Variants in NYAP1 observed in about 807,000 individuals in gnomAD.
NYAP1 encodes neuronal tyrosine phosphorylated phosphoinositide-3-kinase adaptor 1.
Under a neutral mutation model 58.6 loss-of-function variants are expected in NYAP1, and 20 were observed. The observed-to-expected ratio is 0.34, with a 90% CI of 0.24 to 0.50. NYAP1 has a LOEUF of 0.50. NYAP1 is among the 20% of genes least tolerant of loss of function. The pLI, the probability that NYAP1 is intolerant of heterozygous loss-of-function variation, is 0.98. For synonymous variants in NYAP1, 572 were observed against 523.1 expected (o/e 1.09, Z -1.27); for missense variants, 1,150 against 1,194.5 (o/e 0.96, Z 0.55).
rs1011332387 is a variant in NYAP1 at position 100,488,178 on chromosome 7, C to A, written c.457C>A (p.Arg153=). The A allele has an allele frequency of 1.2e-6, 2 of 1,603,186 alleles. No homozygotes were observed. The highest frequency in any genetic ancestry group is 2.7e-5 in the African/African-American group (2 of 74,204). ...CTCACAGAAGCCAACCCCAGAGGGC[C>A]GAGAGTCCAGCCGGAAGGTTCCTCC... ...AGSQKPTPEG[R]ESSRKVPPQK... Residue 153 remains arginine, a synonymous_variant, in exon 4 of 7, where the codon CGA becomes AGA. Transcript: ENST00000300179. This position sits in a 1 kb window ranked among gnomAD's most constrained non-coding sequence, Gnocchi z 5.9.
chr7:100,493,863 G>A lies in NYAP1; in HGVS notation c.2486G>A (p.Cys829Tyr), dbSNP rs13224304. The part of the protein sequence containing the change: ...PEPRKSGTPP[C>Y]RRQHTVLWDT... ...CCCCGCAAGTCCGGCACCCCGCCCTGCCGCCGGCAGCACACGGTCCTCTGG... is the reference window on the plus strand; with the variant it reads ...CCCCGCAAGTCCGGCACCCCGCCCTACCGCCGGCAGCACACGGTCCTCTGG... The change falls in exon 7 of 7, where the codon TGC (cysteine) becomes TAC (tyrosine). Residue 829 changes from cysteine (C) to tyrosine (Y), a missense_variant. Physicochemically the swap from Cys to Tyr is radical, Grantham distance 194. Transcript: ENST00000300179. 5 of 1,526,406 alleles carry A rather than the reference G, an allele frequency of 3.3e-6. No individual in the cohort carries two copies. In the African/African-American group the frequency reaches 5.7e-5, roughly 17 times the overall value. 94.6% of individuals were successfully genotyped at this position (1,526,406 alleles called of 1,614,324 possible). A position where few individuals can be genotyped will look rare whatever the true frequency, so the allele number is the denominator to read the frequency against.
At chr7:100,493,097 T>C (rs904776381) in intron 6 of NYAP1, among the ~76,000 whole-genome samples, 1 of 152,128 alleles carries the variant, frequency 6.6e-6, no homozygotes, top group Admixed American at 6.6e-5. Flanking sequence ...TCCCAGTGCT[T>C]TGGGAGGCCA....
chr7:100,488,448 G>C lies in NYAP1; in HGVS notation c.727G>C (p.Gly243Arg). 6.2e-7 allele frequency: 1 copy of C among 1,607,800 alleles called. No individual in the cohort carries two copies. The highest frequency in any genetic ancestry group is 2.2e-5 in the East Asian group (1 of 44,808). Residue 243 changes from glycine (G) to arginine (R), a missense_variant, in exon 4 of 7, where the codon GGC (glycine) becomes CGC (arginine). Coordinates refer to ENST00000300179, the MANE Select transcript of NYAP1 (RefSeq NM_173564.4). The surrounding 1 kb of genome is among the most constrained non-coding windows in gnomAD (Gnocchi z 5.9). ...GGCTGGGCCCCCTCTTGGGGGTGGG[G>C]GCCCGACCCCTCCAGCGGGCGCCGA... ...GLAGPPLGGG[G>R]PTPPAGADSD...
In NYAP1 at chr7:100,487,773, C is replaced by G. The variant is rs752835681; in HGVS notation, c.431-379C>G. 3.5e-4 allele frequency among the ~76,000 whole-genome samples: 54 copies of G among 152,320 alleles called. No homozygotes were observed. Among genetic ancestry groups the G allele is most frequent in the Non-Finnish European group, 4.7e-4 (32 of 68,038 alleles). ...CCACCCACCTCGGCCTCCCAGAGTG[C>G]TGGGATTACAGGCGTGAGCCACTGT... On this transcript the variant is annotated intron_variant, in intron 3 of 6. Coordinates refer to ENST00000300179, the MANE Select transcript of NYAP1 (RefSeq NM_173564.4). The surrounding 1 kb of genome is among the most constrained non-coding windows in gnomAD (Gnocchi z 4.1).
rs751523773 is a variant in NYAP1 at position 100,484,361 on chromosome 7, G to C, written c.-85+360G>C. On this transcript the variant is annotated intron_variant, in intron 1 of 6. Coordinates refer to ENST00000300179, the MANE Select transcript of NYAP1 (RefSeq NM_173564.4). ...AGCCCCCCGGGTGGGATTGAGGGGC[G>C]GGGACTGGAAGAGGAAAACCAGGGG... Among the ~76,000 whole-genome samples the C allele has an allele frequency of 1.1e-3, 161 of 152,244 alleles. 1 individual carries two copies. Among genetic ancestry groups the C allele is most frequent in the Non-Finnish European group, 1.8e-3 (122 of 68,000 alleles).
Position 100,493,648 on chromosome 7 carries a change from C to T in NYAP1, c.2271C>T (p.Pro757=), listed in dbSNP as rs753927416. The part of the protein sequence containing the change: ...CSQPRDALSQ[P]HPALPLPLPL... The stretch of plus-strand genomic sequence containing the variant: ...TTTCTCCCCCGCCCGCGGCACAGCC[C>T]CACCCCGCGCTGCCGCTGCCTCTGC... Residue 757 remains proline, a splice_region_variant and synonymous_variant, in exon 7 of 7, where the codon CCC becomes CCT. Transcript: ENST00000300179. 1.6e-5 allele frequency: 25 copies of T among 1,576,594 alleles called. No homozygotes were observed. In the Admixed American group the frequency reaches 2.6e-4, roughly 17 times the overall value.
At chr7:100,492,136 G>A (rs979285890) in intron 6 of NYAP1, among the ~76,000 whole-genome samples, 14 of 152,130 alleles carry the variant, frequency 9.2e-5, no homozygotes, top group Non-Finnish European at 1.3e-4. Flanking sequence ...CTACTCGGGA[G>A]GCTGAGGCAG....
intron 1 of NYAP1, among the ~76,000 whole-genome samples, chr7:100,484,525 TG>T (rs1192605278): frequency 6.6e-6 from 1 of 151,866 alleles, no homozygotes; most frequent in Non-Finnish European, 1.5e-5. Context: ...GGACTGGAAG[TG>T]GGGGAAGGCA....
rs1442355851 is a variant in NYAP1 at position 100,488,526 on chromosome 7, C to T, written c.805C>T (p.Pro269Ser). 1 of 1,612,392 alleles carries T rather than the reference C, an allele frequency of 6.2e-7. No individual in the cohort carries two copies. Among genetic ancestry groups the T allele is most frequent in the Admixed American group, 1.7e-5 (1 of 59,988 alleles). Residue 269 changes from proline (P) to serine (S), a missense_variant, in exon 4 of 7, where the codon CCG becomes TCG. Physicochemically the swap from Pro to Ser is moderately conservative, Grantham distance 74. Transcript: ENST00000300179. The surrounding 1 kb of genome is among the most constrained non-coding windows in gnomAD (Gnocchi z 5.9). Reference sequence around the variant, plus strand: ...CTATGAAGAGATGAAGTACCCGCTGCCGGAAGAGGCTGGGGAAGGCCGGGC... The same window carrying T: ...CTATGAAGAGATGAAGTACCCGCTGTCGGAAGAGGCTGGGGAAGGCCGGGC... The part of the protein sequence containing the change: ...AIYEEMKYPL[P>S]EEAGEGRANG...
Position 100,489,244 on chromosome 7 carries a change from C to A in NYAP1, c.1523C>A (p.Pro508Gln). 6.2e-7 allele frequency: 1 copy of A among 1,605,030 alleles called. No individual in the cohort carries two copies. Among genetic ancestry groups the A allele is most frequent in the Non-Finnish European group, 8.5e-7 (1 of 1,176,456 alleles). The change falls in exon 4 of 7, where the codon CCA becomes CAA. Residue 508 changes from proline to glutamine, a missense_variant. Transcript: ENST00000300179. ...MLCTSSRPPV[P>Q]GKTSPHGGAM... is the part of the protein sequence containing the mutation. ...TGTACCAGCTCAAGGCCCCCTGTGC[C>A]AGGGAAGACCAGCCCCCACGGTGGG...
Position 100,493,646 on chromosome 7 carries a change from C to G in NYAP1, c.2269C>G (p.Pro757Ala), listed in dbSNP as rs770738764. The change falls in exon 7 of 7, where the codon CCC becomes GCC. Residue 757 changes from proline (P) to alanine (A), a missense_variant and splice_region_variant. Physicochemically the swap from Pro to Ala is conservative, Grantham distance 27 (BLOSUM62 -1). Coordinates refer to ENST00000300179, the MANE Select transcript of NYAP1 (RefSeq NM_173564.4). ...CCTTTCTCCCCCGCCCGCGGCACAG[C>G]CCCACCCCGCGCTGCCGCTGCCTCT... Reference protein sequence around the residue: ...CSQPRDALSQPHPALPLPLPL... With the variant: ...CSQPRDALSQAHPALPLPLPL... 4 of 1,575,228 alleles carry G rather than the reference C, an allele frequency of 2.5e-6. No individual in the cohort carries two copies. The highest frequency in any genetic ancestry group is 3.4e-6 in the Non-Finnish European group (4 of 1,167,122).
Position 100,488,854 on chromosome 7 carries a change from G to T in NYAP1, c.1133G>T (p.Arg378Leu). 1 of 1,598,334 alleles carries T rather than the reference G, an allele frequency of 6.3e-7. No individual in the cohort carries two copies. The highest frequency in any genetic ancestry group is 1.1e-5 in the South Asian group (1 of 89,562). Reference protein sequence around the residue: ...GSTPAPQVPARERETPPPPPP... With the variant: ...GSTPAPQVPALERETPPPPPP... ...ACCCCAGCTCCCCAAGTGCCTGCAC[G>T]GGAGCGGGAGACGCCTCCCCCACCG... is the stretch of plus-strand genomic sequence containing the variant. Residue 378 changes from arginine to leucine, a missense_variant, in exon 4 of 7, where the codon CGG becomes CTG. By Grantham distance (102) the Arg-to-Leu change is moderately radical. Coordinates refer to ENST00000300179, the MANE Select transcript of NYAP1 (RefSeq NM_173564.4). This position sits in a 1 kb window ranked among gnomAD's most constrained non-coding sequence, Gnocchi z 5.9.
In NYAP1 at chr7:100,490,432, C is replaced by A; in HGVS notation, c.1946-85C>A. On this transcript the variant is annotated intron_variant, in intron 4 of 6. Coordinates refer to ENST00000300179, the MANE Select transcript of NYAP1 (RefSeq NM_173564.4). The surrounding 1 kb of genome is among the most constrained non-coding windows in gnomAD (Gnocchi z 4.6). Reference sequence around the variant, plus strand: ...AAAGGGGCAATTGTGTCTCCTGGTCCACCCATACTGCAGCATGTGTGGCCA... The same window carrying A: ...AAAGGGGCAATTGTGTCTCCTGGTCAACCCATACTGCAGCATGTGTGGCCA... 2 of 1,302,782 alleles carry A rather than the reference C, an allele frequency of 1.5e-6. No individual in the cohort carries two copies. The highest frequency in any genetic ancestry group is 1.1e-6 in the Non-Finnish European group (1 of 921,902). 80.7% of individuals were successfully genotyped at this position (1,302,782 alleles called of 1,614,324 possible). A position where few individuals can be genotyped will look rare whatever the true frequency, so the allele number is the denominator to read the frequency against.
intron 1 of NYAP1, among the ~76,000 whole-genome samples, 200 bp downstream of exon 1, chr7:100,484,201 A>G (rs1156720700): frequency 1.3e-5 from 2 of 151,704 alleles, no homozygotes; most frequent in African/African-American, 2.4e-5. Context: ...GGGAAGGGGG[A>G]GGACGGCTGT....
chr7:100,484,182 TTGGAA>T (rs1336913445), intron 1 of NYAP1, among the ~76,000 whole-genome samples, 181 bp downstream of exon 1: 3 of 151,378 alleles, frequency 2.0e-5, no homozygotes, highest in Admixed American at 1.3e-4. Flanking sequence ...CAGGCCAGGT[TTGGAA>T]CAGGGGAAGG....
At chr7:100,489,789 T>A in intron 4 of NYAP1, 123 bp downstream of exon 4, 1 of 824,918 alleles carries the variant, frequency 1.2e-6, no homozygotes, top group African/African-American at 1.8e-5. Context: ...GTCTGGGATG[T>A]TTTCTAGGAG....
chr7:100,489,273 A>G lies in NYAP1; in HGVS notation c.1552A>G (p.Met518Val), dbSNP rs1248570606. The change falls in exon 4 of 7, where the codon ATG becomes GTG. Residue 518 changes from methionine to valine, a missense_variant. Physicochemically the swap from Met to Val is conservative, Grantham distance 21 (BLOSUM62 1). Transcript: ENST00000300179. ...GAAGACCAGCCCCCACGGTGGGGCC[A>G]TGGGCGCAGCAGCTGGGGTCCTCCA... Reference protein sequence around the residue: ...PGKTSPHGGAMGAAAGVLHHR... With the variant: ...PGKTSPHGGAVGAAAGVLHHR... 3.7e-6 allele frequency: 6 copies of G among 1,601,028 alleles called. No individual in the cohort carries two copies. The highest frequency in any genetic ancestry group is 5.1e-6 in the Non-Finnish European group (6 of 1,174,570).
rs140403396 is a variant in NYAP1, at chr7:100,488,636, A to C, written c.915A>C (p.Ser305=). The change falls in exon 4 of 7, where the codon TCA becomes TCC. Residue 305 remains serine, a synonymous_variant. Transcript: ENST00000300179. The surrounding 1 kb of genome is among the most constrained non-coding windows in gnomAD (Gnocchi z 5.9). ...LPPHAHRRPA[S]ALPSRRDGTP... ...CCCATGCCCACCGCCGCCCAGCTTC[A>C]GCCCTCCCGAGCCGGAGGGACGGGA... The C allele has an allele frequency of 3.5e-4, 564 of 1,609,430 alleles. 2 individuals are homozygous for C. In the African/African-American group the frequency reaches 6.4e-3, roughly 18 times the overall value.
chr7:100,494,127 T>A lies in NYAP1; in HGVS notation c.*224T>A. ...AAACGGAGGAGGAGGAGGGTTTGCT[T>A]GAGGTTGGGGCGAGAGTCGCTCTGG... On this transcript the variant is annotated 3_prime_UTR_variant, in exon 7 of 7. Transcript: ENST00000300179. 1 of 487,910 alleles carries A rather than the reference T, an allele frequency of 2.0e-6. No homozygotes were observed. The highest frequency in any genetic ancestry group is 3.5e-6 in the Non-Finnish European group (1 of 281,842). The allele number at this position is 487,910 out of a possible 1,614,324, so 30.2% of individuals were successfully genotyped here. A position where few individuals can be genotyped will look rare whatever the true frequency, so the allele number is the denominator to read the frequency against.
Sources: gnomAD v4.1 joint callset for allele counts (sites outside exome capture counted in the v4.1 genomes callset) on GRCh38, gnomAD v4.1.1 for gene constraint, Gnocchi (gnomAD v3.1) non-coding constraint, MANE v1.5 for transcripts, NCBI Gene and HGNC (gene_info 2026-07-23, HGNC 2026-07-21) for gene names.